Variants in FGF13 observed in about 807,000 individuals in gnomAD.
FGF13 encodes the protein fibroblast growth factor 13, also known as fibroblast growth factor homologous factor 2.
In FGF13, 2 loss-of-function variants were observed where a neutral mutation model predicts 19.5. The observed-to-expected ratio is 0.10, with a 90% CI of 0.04 to 0.32. The LOEUF (loss-of-function observed/expected upper bound fraction) is 0.32. FGF13 is among the 10% of genes least tolerant of loss of function. The pLI, the probability that FGF13 is intolerant of heterozygous loss-of-function variation, is 1.00. For missense variants in FGF13, 113 were observed against 192.7 expected (o/e 0.59, Z 2.45); for synonymous variants, 72 against 76.9 (o/e 0.94, Z 0.33).
At chrX:138,862,043 A>G (rs981349985) in intron 2 of FGF13, among the ~76,000 whole-genome samples, 3 of 112,060 alleles carry the variant, frequency 2.7e-5, no homozygotes, top group African/African-American at 9.7e-5. Context: ...CAACTTTGTA[A>G]AAGCATCAAT....
intron 1 of FGF13, among the ~76,000 whole-genome samples, chrX:139,149,289 T>C (rs1475875367): frequency 8.9e-6 from 1 of 112,153 alleles, no homozygotes; most frequent in Admixed American, 9.5e-5. Flanking sequence ...GTGCACATAA[T>C]ATGTACTATT....
chrX:138,821,686 C>T (rs2091000730), intron 3 of FGF13, among the ~76,000 whole-genome samples: 1 of 111,654 alleles, frequency 9.0e-6, no homozygotes, highest in South Asian at 3.7e-4. Context: ...TTAAATGTGA[C>T]TACTAGAAAA....
intron 1 of FGF13, among the ~76,000 whole-genome samples, chrX:138,913,724 G>A (rs1366065655): frequency 1.9e-5 from 2 of 108,105 alleles, no homozygotes; most frequent in South Asian, 4.2e-4. Context: ...CTATCAGGGC[G>A]AACAAGGAGT....
chrX:138,790,777 T>G (rs868421587), intron 3 of FGF13, among the ~76,000 whole-genome samples: 3 of 112,368 alleles, frequency 2.7e-5, no homozygotes, highest in Non-Finnish European at 5.6e-5. Context: ...TTACTTCCTC[T>G]GTACTTTCAA....
At chrX:139,009,417 C>A (rs1006006666) in intron 1 of FGF13, among the ~76,000 whole-genome samples, 2 of 111,818 alleles carry the variant, frequency 1.8e-5, no homozygotes, top group Admixed American at 9.5e-5. Flanking sequence ...CATCAGCTAA[C>A]CTATGAAGAA....
At chrX:138,821,132 A>ATCT (rs2090996453) in intron 3 of FGF13, among the ~76,000 whole-genome samples, 1 of 111,548 alleles carries the variant, frequency 9.0e-6, no homozygotes, top group South Asian at 3.8e-4. Context: ...AAGAGGCTAG[A>ATCT]TAGGAGAATG....
At chrX:138,780,739 A>G (rs2090634110) in intron 3 of FGF13, among the ~76,000 whole-genome samples, 1 of 110,069 alleles carries the variant, frequency 9.1e-6, no homozygotes, top group African/African-American at 3.3e-5. Flanking sequence ...CCCCACTGTC[A>G]ACATTAGACA....
chrX:139,124,878 T>A (rs1673783293), intron 1 of FGF13, among the ~76,000 whole-genome samples: 1 of 111,272 alleles, frequency 9.0e-6, no homozygotes, highest in Non-Finnish European at 1.9e-5. Context: ...GGCCTGAGGA[T>A]GAGTACAACC....
intron 3 of FGF13, among the ~76,000 whole-genome samples, chrX:138,746,719 T>C (rs1048652267): frequency 6.2e-5 from 7 of 112,258 alleles, no homozygotes; most frequent in Admixed American, 2.8e-4. Flanking sequence ...TTTCCTGCTC[T>C]GTAAAGTGGA....
At chrX:138,677,404 G>A (rs920254038) in intron 3 of FGF13, among the ~76,000 whole-genome samples, 12 of 109,411 alleles carry the variant, frequency 1.1e-4, no homozygotes, top group African/African-American at 3.7e-4. Context: ...TACAAAATGG[G>A]AGAAAATTTT....
chrX:139,163,691 A>AACT (rs1248186929), intron 1 of FGF13, among the ~76,000 whole-genome samples: 1 of 110,998 alleles, frequency 9.0e-6, no homozygotes, highest in African/African-American at 3.3e-5. Flanking sequence ...ATATTATAAT[A>AACT]ACTACTACTA....
downstream of FGF13, among the ~76,000 whole-genome samples, chrX:138,854,298 G>C (rs1016263321): frequency 9.0e-6 from 1 of 111,463 alleles, no homozygotes; most frequent in Non-Finnish European, 1.9e-5. Flanking sequence ...AAATTTTTTT[G>C]GAATTGGATA....
intron 1 of FGF13, among the ~76,000 whole-genome samples, chrX:139,029,720 T>C (rs182013956): frequency 1.9e-3 from 208 of 111,678 alleles, no homozygotes; most frequent in African/African-American, 6.7e-3. Flanking sequence ...AACTATTGCA[T>C]AGTAGGTACT....
intron 1 of FGF13, among the ~76,000 whole-genome samples, chrX:139,055,773 A>C (rs779616620): frequency 8.9e-6 from 1 of 112,560 alleles, no homozygotes; most frequent in Admixed American, 9.4e-5. Flanking sequence ...CAGTGATTTC[A>C]CTATTTTTCC....
At chrX:138,776,321 A>T (rs1023588455) in intron 3 of FGF13, among the ~76,000 whole-genome samples, 1 of 112,745 alleles carries the variant, frequency 8.9e-6, no homozygotes, top group African/African-American at 3.2e-5. Context: ...AGTTTGCTGC[A>T]CACATTGTAG....
chrX:139,134,986 T>G (rs755602675), intron 1 of FGF13, among the ~76,000 whole-genome samples: 1 of 111,561 alleles, frequency 9.0e-6, no homozygotes, highest in East Asian at 2.8e-4. Flanking sequence ...TCCTTTTAAC[T>G]GGGCAGAACC....
intron 1 of FGF13, chrX:138,984,873 G>A: frequency 3.7e-6 from 1 of 267,593 alleles, no homozygotes; most frequent in Admixed American, 4.7e-5. Context: ...GAGCAATGAG[G>A]CAACACTGTC....
At chrX:139,016,088 C>T (rs1348806627) in intron 1 of FGF13, among the ~76,000 whole-genome samples, 1 of 111,785 alleles carries the variant, frequency 8.9e-6, no homozygotes, top group African/African-American at 3.2e-5. Flanking sequence ...AACTGCCCAT[C>T]TCCTTGTACT....
At chrX:138,867,166 C>G (rs1054691363) in intron 1 of FGF13, among the ~76,000 whole-genome samples, 3 of 111,292 alleles carry the variant, frequency 2.7e-5, no homozygotes, top group African/African-American at 9.8e-5. Flanking sequence ...ATGGCTCACA[C>G]CTGTAATCCA....
Sources: gnomAD v4.1 joint callset for allele counts (sites outside exome capture counted in the v4.1 genomes callset) on GRCh38, gnomAD v4.1.1 for gene constraint, MANE v1.5 for transcripts, NCBI Gene and HGNC (gene_info 2026-07-23, HGNC 2026-07-21) for gene names.